The following TPD52L2 variants were observed in gnomAD, a reference collection of about 807,000 sequenced individuals.
The protein encoded by TPD52L2 is TPD52 like 2.
In TPD52L2, 19 loss-of-function variants were observed where a neutral mutation model predicts 24.7. The ratio of observed to expected loss-of-function variants is 0.77; its 90% CI spans 0.54 to 1.13. The LOEUF (loss-of-function observed/expected upper bound fraction) is 1.13. Ranked by LOEUF, TPD52L2 falls within the 50% of genes most tolerant of loss-of-function variation. The probability of loss-of-function intolerance (pLI) is 0.00; values close to 1 mark genes in which losing one functional copy is unlikely to be tolerated. For synonymous variants in TPD52L2, 104 were observed against 100.2 expected, an observed-to-expected ratio of 1.04 and a Z score of -0.23; for missense variants, 236 against 250.4, an observed-to-expected ratio of 0.94 and a Z score of 0.39.
chr20:63,876,606 A>T (rs1346967517), intron 4 of TPD52L2: 1 of 365,872 alleles, frequency 2.7e-6, no homozygotes, highest in Non-Finnish European at 5.4e-6. Context: ...TTCATCTGTT[A>T]TTTAGAAGGA....
At chr20:63,876,015 C>A in intron 4 of TPD52L2, 140 bp downstream of exon 4, 1 of 837,860 alleles carries the variant, frequency 1.2e-6, no homozygotes, top group Non-Finnish European at 1.9e-6. Context: ...AACTTTTCTT[C>A]TCTCAGGTAA....
intron 4 of TPD52L2, among the ~76,000 whole-genome samples, chr20:63,878,220 A>C (rs1004421329): frequency 6.6e-6 from 1 of 152,248 alleles, no homozygotes; most frequent in Non-Finnish European, 1.5e-5. Flanking sequence ...ATGGACGGGA[A>C]GGAGAACGTG....
chr20:63,875,066 C>T (rs555943586), intron 3 of TPD52L2, among the ~76,000 whole-genome samples: 44 of 151,502 alleles, frequency 2.9e-4, no homozygotes, highest in African/African-American at 9.7e-4. Context: ...CTCTTTAACC[C>T]GGGAGGCGGA....
intron 4 of TPD52L2, among the ~76,000 whole-genome samples, chr20:63,879,323 C>G (rs917691739): frequency 5.3e-5 from 8 of 152,236 alleles, no homozygotes; most frequent in African/African-American, 1.9e-4. Context: ...TATGGCACAG[C>G]AGGGACTGAT....
At chr20:63,880,992 A>C (rs1039477036) in intron 4 of TPD52L2, among the ~76,000 whole-genome samples, 2 of 151,876 alleles carry the variant, frequency 1.3e-5, no homozygotes, top group Non-Finnish European at 2.9e-5. Context: ...AAAATTTAAA[A>C]ACAGCCATGA....
intron 6 of TPD52L2, among the ~76,000 whole-genome samples, chr20:63,889,453 G>A (rs2053253590): frequency 6.6e-6 from 1 of 152,090 alleles, no homozygotes; most frequent in Non-Finnish European, 1.5e-5. Flanking sequence ...CACTGACTCA[G>A]GACACAGAAC....
chr20:63,876,267 T>C (rs61392797), intron 4 of TPD52L2, among the ~76,000 whole-genome samples: 1,567 of 152,330 alleles, frequency 0.01, 24 homozygotes, highest in African/African-American at 0.036. Context: ...CCCTAACCCT[T>C]TTCCCTGCTT....
rs929634458 is a variant in TPD52L2, at chr20:63,869,345, G to A, written c.69G>A (p.Thr23=). Residue 23 remains threonine, a synonymous_variant, in exon 2 of 7, where the codon ACG becomes ACA. Coordinates refer to ENST00000346249, the MANE Select transcript of TPD52L2 (RefSeq NM_003288.4). ...PNKGLLSDSM[T]DVPVDTGVAA... is the part of the protein sequence containing the mutation. Reference sequence around the variant, plus strand: ...AAGGTCTGCTGTCTGACTCCATGACGGATGTTCCTGTCGACACAGGTGTGG... The same window carrying A: ...AAGGTCTGCTGTCTGACTCCATGACAGATGTTCCTGTCGACACAGGTGTGG... The A allele has an allele frequency of 1.1e-5, 17 of 1,614,024 alleles. No individual in the cohort carries two copies. The highest frequency in any genetic ancestry group is 1.4e-5 in the Non-Finnish European group (17 of 1,180,038).
chr20:63,866,924 C>T (rs1384709596), intron 1 of TPD52L2, among the ~76,000 whole-genome samples: 4 of 151,450 alleles, frequency 2.6e-5, no homozygotes, highest in African/African-American at 9.7e-5. Context: ...AGACTACAGG[C>T]GCACCATGCC....
intron 4 of TPD52L2, among the ~76,000 whole-genome samples, chr20:63,879,104 C>T (rs1277072353): frequency 6.6e-6 from 1 of 152,190 alleles, no homozygotes; most frequent in African/African-American, 2.4e-5. Context: ...AGGTCAGAGC[C>T]ACAGCTGTTG....
intron 4 of TPD52L2, among the ~76,000 whole-genome samples, chr20:63,879,527 G>C (rs1484784618): frequency 6.6e-6 from 1 of 152,170 alleles, no homozygotes; most frequent in Non-Finnish European, 1.5e-5. Flanking sequence ...TCTGAAGGCC[G>C]GGCACAGGCG....
intron 5 of TPD52L2, among the ~76,000 whole-genome samples, chr20:63,885,701 G>A (rs1217829072): frequency 6.6e-6 from 1 of 152,248 alleles, no homozygotes; most frequent in Non-Finnish European, 1.5e-5. Flanking sequence ...CCAAACAGGT[G>A]TGCCTTGGGG....
chr20:63,875,152 A>T (rs35077656), intron 3 of TPD52L2, among the ~76,000 whole-genome samples: 20,482 of 141,370 alleles, frequency 0.14, 1,578 homozygotes, highest in East Asian at 0.18. Context: ...AAAAAAAAAA[A>T]ATATATATAT....
intron 2 of TPD52L2, 147 bp from the exon 3 acceptor site, chr20:63,873,521 A>T: frequency 1.2e-6 from 1 of 845,000 alleles, no homozygotes; most frequent in Non-Finnish European, 1.8e-6. Flanking sequence ...CAAAAATCAG[A>T]TGTCTGCTGT....
chr20:63,887,789 G>A, intron 5 of TPD52L2: 1 of 638,152 alleles, frequency 1.6e-6, no homozygotes, highest in Non-Finnish European at 2.8e-6. Flanking sequence ...GGAAGAGCTG[G>A]TAGGGGGTCA....
intron 4 of TPD52L2, among the ~76,000 whole-genome samples, chr20:63,876,407 G>A (rs1388177450): frequency 2.6e-5 from 4 of 152,210 alleles, no homozygotes; most frequent in African/African-American, 9.6e-5. Flanking sequence ...CATTGTCAGA[G>A]CATCAGCCAG....
chr20:63,881,441 G>A (rs1161366990), intron 4 of TPD52L2, among the ~76,000 whole-genome samples: 3 of 152,128 alleles, frequency 2.0e-5, no homozygotes, highest in South Asian at 2.1e-4. Context: ...GCTGGGATGC[G>A]CTGCCAGGGC....
intron 2 of TPD52L2, among the ~76,000 whole-genome samples, chr20:63,870,372 A>G (rs1262570717): frequency 1.3e-5 from 2 of 152,172 alleles, no homozygotes; most frequent in East Asian, 3.8e-4. Context: ...GATCCTGAGG[A>G]CATCACACAG....
At chr20:63,878,649 A>G (rs2052779745) in intron 4 of TPD52L2, among the ~76,000 whole-genome samples, 1 of 152,092 alleles carries the variant, frequency 6.6e-6, no homozygotes, top group Non-Finnish European at 1.5e-5. Flanking sequence ...GTCCATCCTG[A>G]GTGGGAGTGG....
Sources: gnomAD v4.1 joint callset for allele counts (sites outside exome capture counted in the v4.1 genomes callset) on GRCh38, gnomAD v4.1.1 for gene constraint, MANE v1.5 for transcripts, NCBI Gene and HGNC (gene_info 2026-07-23, HGNC 2026-07-21) for gene names.